RBFOX1: variants seen among roughly 807,000 people sequenced by gnomAD.
RBFOX1 encodes the protein RNA binding protein fox-1 homolog 1.
RBFOX1 carries 8 observed loss-of-function variants against 57.7 expected under a neutral mutation model. The observed-to-expected ratio is 0.14, with a 90% CI of 0.08 to 0.25. The LOEUF is 0.25. RBFOX1 is among the 10% of genes least tolerant of loss of function. RBFOX1 has a pLI of 1.00. For synonymous variants in RBFOX1, 326 were observed against 222.4 expected (o/e 1.47, Z -4.15); for missense variants, 611 against 548.5 (o/e 1.11, Z -1.14).
At chr16:6,818,052 T>C (rs2090488956) in intron 3 of RBFOX1, among the ~76,000 whole-genome samples, 1 of 152,192 alleles carries the variant, frequency 6.6e-6, no homozygotes, top group African/African-American at 2.4e-5. Flanking sequence ...ATATCTCACA[T>C]GGGCATAAAA....
chr16:6,088,849 C>G (rs1419088410), intron 1 of RBFOX1, among the ~76,000 whole-genome samples: 1 of 152,118 alleles, frequency 6.6e-6, no homozygotes, highest in Non-Finnish European at 1.5e-5. Flanking sequence ...GTAATCCCAG[C>G]ACTTTGGGAG....
intron 2 of RBFOX1, among the ~76,000 whole-genome samples, chr16:5,498,994 C>T (rs565788000): frequency 6.6e-6 from 1 of 152,274 alleles, no homozygotes; most frequent in Admixed American, 6.5e-5. Context: ...TCTAGAACCC[C>T]AGCCTCTAGG....
chr16:5,641,426 A>C (rs1020039406), intron 3 of RBFOX1, among the ~76,000 whole-genome samples: 6 of 152,268 alleles, frequency 3.9e-5, no homozygotes, highest in African/African-American at 1.4e-4. Flanking sequence ...AAACAACTGC[A>C]AAGCAGGCTG....
At chr16:6,496,256 G>A (rs1405630911) in intron 2 of RBFOX1, among the ~76,000 whole-genome samples, 1 of 152,184 alleles carries the variant, frequency 6.6e-6, no homozygotes, top group Non-Finnish European at 1.5e-5. Context: ...AATGGTGACA[G>A]TGACCACTCT....
chr16:6,870,431 A>T (rs985940679), intron 3 of RBFOX1, among the ~76,000 whole-genome samples: 1 of 152,210 alleles, frequency 6.6e-6, no homozygotes, highest in African/African-American at 2.4e-5. Flanking sequence ...TCTGATACCT[A>T]TAAATATCTA....
At chr16:7,652,976 C>G (rs1038407617) in intron 11 of RBFOX1, among the ~76,000 whole-genome samples, 4 of 152,196 alleles carry the variant, frequency 2.6e-5, no homozygotes, top group Non-Finnish European at 4.4e-5. Context: ...AAAAACCACT[C>G]ATGCAGTTCG....
At chr16:5,389,466 C>T (rs953788270) in intron 1 of RBFOX1, among the ~76,000 whole-genome samples, 4 of 152,062 alleles carry the variant, frequency 2.6e-5, no homozygotes, top group Admixed American at 6.5e-5. Flanking sequence ...AGTTGTGAAA[C>T]CCCAAATGTC....
intron 8 of RBFOX1, among the ~76,000 whole-genome samples, chr16:7,596,153 G>A (rs2094687231): frequency 1.4e-5 from 1 of 72,530 alleles, no homozygotes; most frequent in African/African-American, 3.5e-5. Flanking sequence ...AAAAACGAGA[G>A]GTTTTTACTA....
chr16:6,556,876 G>A lies in RBFOX1; in HGVS notation c.-63-97727G>A, dbSNP rs146958971. Among the ~76,000 whole-genome samples the A allele has an allele frequency of 3.2e-3, 488 of 151,828 alleles. 1 individual carries two copies. The highest frequency in any genetic ancestry group is 0.011 in the African/African-American group (471 of 41,424). The stretch of plus-strand genomic sequence containing the variant: ...ACTGGTGACTGTCTTCTGAGGAGAA[G>A]TAGAGGAGATTTCACTTAACTGGAT... On this transcript the variant is annotated intron_variant, in intron 2 of 15. Coordinates refer to ENST00000550418, the MANE Select transcript of RBFOX1 (RefSeq NM_018723.4).
chr16:6,874,645 C>A (rs181920472), intron 3 of RBFOX1, among the ~76,000 whole-genome samples: 22 of 151,586 alleles, frequency 1.5e-4, no homozygotes, highest in South Asian at 6.3e-4. Context: ...CTCCCACTTA[C>A]AATGGTTTTC....
chr16:6,332,450 A>C (rs1051534674), intron 2 of RBFOX1, among the ~76,000 whole-genome samples: 1 of 152,234 alleles, frequency 6.6e-6, no homozygotes, highest in Non-Finnish European at 1.5e-5. Flanking sequence ...ATTGTAAGCT[A>C]CATTAATAGG....
intron 3 of RBFOX1, among the ~76,000 whole-genome samples, chr16:5,693,220 C>G (rs768959608): frequency 6.6e-6 from 1 of 152,104 alleles, no homozygotes; most frequent in African/African-American, 2.4e-5. Flanking sequence ...CCCTTTAACC[C>G]TCTCCTGACC....
intron 4 of RBFOX1, among the ~76,000 whole-genome samples, chr16:5,968,542 C>T (rs2059897930): frequency 6.6e-6 from 1 of 152,126 alleles, no homozygotes; most frequent in South Asian, 2.1e-4. Flanking sequence ...TTTCTTCAGG[C>T]CTACAGTGAT....
chr16:5,985,288 G>A (rs1259072663), intron 4 of RBFOX1, among the ~76,000 whole-genome samples: 2 of 150,980 alleles, frequency 1.3e-5, no homozygotes, highest in East Asian at 2.0e-4. Context: ...CATCATGTCC[G>A]GCCAACTCCA....
At chr16:6,400,282 G>A (rs1722363909) in intron 2 of RBFOX1, among the ~76,000 whole-genome samples, 1 of 152,128 alleles carries the variant, frequency 6.6e-6, no homozygotes, top group Admixed American at 6.5e-5. Flanking sequence ...AAAATTAGGA[G>A]TCAGTAATTA....
At chr16:5,293,894 G>T (rs1182447411) in intron 1 of RBFOX1, among the ~76,000 whole-genome samples, 1 of 152,162 alleles carries the variant, frequency 6.6e-6, no homozygotes, top group East Asian at 1.9e-4. Context: ...TGAAGTGTAT[G>T]CTTTCACACA....
chr16:5,500,135 TCCTTCC>T (rs2043138804), intron 2 of RBFOX1, among the ~76,000 whole-genome samples: 4 of 101,084 alleles, frequency 4.0e-5, no homozygotes, highest in African/African-American at 1.6e-4. Context: ...CCTCCTTCCC[TCCTTCC>T]CTCCTTCCCT....
intron 1 of RBFOX1, among the ~76,000 whole-genome samples, chr16:6,136,664 C>G (rs1448961815): frequency 6.6e-6 from 1 of 152,026 alleles, no homozygotes; most frequent in Non-Finnish European, 1.5e-5. Context: ...ACAAAATGCA[C>G]AAAAGGAAAT....
At chr16:5,383,270 C>T (rs1007138599) in intron 1 of RBFOX1, among the ~76,000 whole-genome samples, 1 of 152,084 alleles carries the variant, frequency 6.6e-6, no homozygotes, top group Non-Finnish European at 1.5e-5. Context: ...ATAAGTGGCG[C>T]CCACTGGTGT....
Sources: allele counts gnomAD v4.1 joint callset (sites outside exome capture counted in the v4.1 genomes callset), GRCh38; gene constraint gnomAD v4.1.1; transcripts MANE v1.5; gene names NCBI Gene and HGNC (gene_info 2026-07-23, HGNC 2026-07-21).